Variants in CYFIP2 observed in about 807,000 individuals in gnomAD.
CYFIP2 encodes cytoplasmic FMR1-interacting protein 2.
CYFIP2 carries 29 observed loss-of-function variants against 158.7 expected under a neutral mutation model. The observed-to-expected ratio is 0.18, with a 90% CI of 0.14 to 0.25. The LOEUF (loss-of-function observed/expected upper bound fraction) is 0.25, where lower values mean the gene tolerates loss of function less well. Ranked by LOEUF, CYFIP2 falls within the 10% of genes least tolerant of loss-of-function variation. The probability of loss-of-function intolerance (pLI) is 1.00; values close to 1 mark genes in which losing one functional copy is unlikely to be tolerated. For synonymous variants in CYFIP2, 585 were observed against 617.6 expected, an observed-to-expected ratio of 0.95 and a Z score of 0.78; for missense variants, 852 against 1,639.5, an observed-to-expected ratio of 0.52 and a Z score of 8.29.
At position 157,369,538 on chromosome 5, in the gene CYFIP2, C is replaced by T. The variant is rs139360463; in HGVS notation, c.3039+7940C>T. 4.0e-3 allele frequency among the ~76,000 whole-genome samples: 612 copies of T among 152,280 alleles called. 2 individuals carry two copies. Among genetic ancestry groups the T allele is most frequent in the African/African-American group, 0.014 (583 of 41,548 alleles). On this transcript the variant is annotated intron_variant, in intron 26 of 30. Transcript: ENST00000620254. Reference sequence around the variant, plus strand: ...TCCTCTAAAATCCTCAAGATACCACCATTTGAGACAGAGGCAATCCATCAC... The same window carrying T: ...TCCTCTAAAATCCTCAAGATACCACTATTTGAGACAGAGGCAATCCATCAC...
At chr5:157,370,047 A>G (rs1349696377) in intron 26 of CYFIP2, among the ~76,000 whole-genome samples, 1 of 151,844 alleles carries the variant, frequency 6.6e-6, no homozygotes, top group African/African-American at 2.4e-5. Flanking sequence ...TGCCTGGATA[A>G]TTTTTGTATT....
At chr5:157,287,902 G>A (rs1757514703) in intron 3 of CYFIP2, among the ~76,000 whole-genome samples, 1 of 152,150 alleles carries the variant, frequency 6.6e-6, no homozygotes. Context: ...AGACCAGCCT[G>A]GGCAACATGG....
At chr5:157,337,017 G>A (rs547752838) in intron 21 of CYFIP2, among the ~76,000 whole-genome samples, 4 of 152,308 alleles carry the variant, frequency 2.6e-5, no homozygotes, top group Admixed American at 6.5e-5. Flanking sequence ...GTCACAGAAC[G>A]ATAACACAGA....
chr5:157,315,109 C>T lies in CYFIP2; in HGVS notation c.1356+15C>T, dbSNP rs766217432. On this transcript the variant is annotated intron_variant, in intron 13 of 30. Coordinates refer to ENST00000620254, the MANE Select transcript of CYFIP2 (RefSeq NM_001037333.3). ...CCTTCGTTGAGGTAGGTGCAGACTC[C>T]CTGCATCTCCCTCCCTCCCCAAGGC... 4.3e-6 allele frequency: 7 copies of T among 1,612,774 alleles called. No homozygotes were observed. Among genetic ancestry groups the T allele is most frequent in the Admixed American group, 1.7e-5 (1 of 59,918 alleles).
intron 26 of CYFIP2, among the ~76,000 whole-genome samples, chr5:157,374,669 G>C (rs552609758): frequency 1.8e-4 from 27 of 152,298 alleles, no homozygotes; most frequent in African/African-American, 6.5e-4. Flanking sequence ...GCACAGTCCT[G>C]TACGGCAAGG....
chr5:157,333,420 G>A lies in CYFIP2; in HGVS notation c.2359G>A (p.Glu787Lys). Residue 787 changes from glutamate (E) to lysine (K), a missense_variant, in exon 21 of 31, where the codon GAG becomes AAG. Around this residue, in one of 8 missense-constraint regions of CYFIP2, gnomAD observed 191 missense variants for 311.2 expected, o/e 0.61. Transcript: ENST00000620254. ...KSLDQAISRF[E>K]SEDLTSIVEL... is the part of the protein sequence containing the mutation. ...CTTGGACCAAGCTATCAGCCGCTTT[G>A]AGAGTGAGGACCTGACCTCCATTGT... 1 of 1,613,982 alleles carries A rather than the reference G, an allele frequency of 6.2e-7. No homozygotes were observed. Among genetic ancestry groups the A allele is most frequent in the Non-Finnish European group, 8.5e-7 (1 of 1,179,870 alleles).
intron 13 of CYFIP2, among the ~76,000 whole-genome samples, chr5:157,317,228 T>C (rs1446862726): frequency 6.6e-6 from 1 of 152,134 alleles, no homozygotes; most frequent in Non-Finnish European, 1.5e-5. Flanking sequence ...AGTCATTACT[T>C]TGCTATACAT....
At position 157,361,706 on chromosome 5, in the gene CYFIP2, C is replaced by A; in HGVS notation, c.3039+108C>A. The A allele has an allele frequency of 3.7e-6, 5 of 1,337,270 alleles. No homozygotes were observed. The highest frequency in any genetic ancestry group is 5.1e-6 in the Non-Finnish European group (5 of 972,280). The allele number at this position is 1,337,270 out of a possible 1,614,324, so 82.8% of individuals were successfully genotyped here. On this transcript the variant is annotated intron_variant, in intron 26 of 30. Coordinates refer to ENST00000620254, the MANE Select transcript of CYFIP2 (RefSeq NM_001037333.3). The surrounding 1 kb of genome is among the most constrained non-coding windows in gnomAD (Gnocchi z 4.4). ...CATTGATTTGTGCTTTGAGTACAAG[C>A]TCACATGCTCTTTTCAGTTCATTTC...
chr5:157,379,244 A>G (rs1358058127), intron 26 of CYFIP2, among the ~76,000 whole-genome samples: 2 of 152,098 alleles, frequency 1.3e-5, no homozygotes, highest in African/African-American at 4.8e-5. Flanking sequence ...TGTCATATCT[A>G]TATGATTATA....
At chr5:157,310,306 G>C (rs547399738) in intron 10 of CYFIP2, among the ~76,000 whole-genome samples, 1 of 152,322 alleles carries the variant, frequency 6.6e-6, no homozygotes, top group South Asian at 2.1e-4. Flanking sequence ...AAAGGCCTGG[G>C]GTGTCAGTGC....
intron 22 of CYFIP2, among the ~76,000 whole-genome samples, chr5:157,340,677 C>T (rs1375430991): frequency 1.3e-5 from 2 of 152,254 alleles, no homozygotes; most frequent in Admixed American, 1.3e-4. Flanking sequence ...CAGAGACCGT[C>T]TGGCTTCCAA....
chr5:157,309,865 C>A, intron 10 of CYFIP2, 31 bp downstream of exon 10: 1 of 1,556,618 alleles, frequency 6.4e-7, no homozygotes, highest in East Asian at 2.4e-5. Context: ...CTCTCGGCTC[C>A]CGCAAGGATG....
At chr5:157,314,314 A>G in intron 11 of CYFIP2, 30 bp from the exon 12 acceptor site, 2 of 1,609,526 alleles carry the variant, frequency 1.2e-6, no homozygotes, top group South Asian at 1.1e-5. Context: ...AGGCACATAG[A>G]CCATGAGTAT....
chr5:157,343,650 C>A lies in CYFIP2; in HGVS notation c.2673+2493C>A, dbSNP rs1337555880. 8.2e-6 allele frequency: 7 copies of A among 858,756 alleles called. No homozygotes were observed. The Admixed American group carries it at 1.8e-4, about 22-fold the overall frequency. 53.2% of individuals were successfully genotyped at this position (858,756 alleles called of 1,614,324 possible). On this transcript the variant is annotated intron_variant, in intron 23 of 30. Coordinates refer to ENST00000620254, the MANE Select transcript of CYFIP2 (RefSeq NM_001037333.3). Reference sequence around the variant, plus strand: ...CATTTGAGACGGGCACTCATGTTGCCCTCATCTTACAGACAAAGAAATGGA... The same window carrying A: ...CATTTGAGACGGGCACTCATGTTGCACTCATCTTACAGACAAAGAAATGGA...
At chr5:157,332,133 C>G (rs1035565233) in intron 20 of CYFIP2, among the ~76,000 whole-genome samples, 2 of 152,162 alleles carry the variant, frequency 1.3e-5, no homozygotes, top group African/African-American at 4.8e-5. Flanking sequence ...TTTGGGATGT[C>G]AGCAGAAACA....
intron 26 of CYFIP2, among the ~76,000 whole-genome samples, chr5:157,382,311 T>C (rs962263780): frequency 1.3e-5 from 2 of 152,228 alleles, no homozygotes; most frequent in Non-Finnish European, 2.9e-5. Flanking sequence ...TAAAAATGTA[T>C]TGAGCTCTCA....
chr5:157,393,224 A>T lies in CYFIP2; in HGVS notation c.*224A>T, dbSNP rs1253970373. The T allele has an allele frequency of 4.9e-6, 2 of 409,700 alleles. No individual in the cohort carries two copies. Among genetic ancestry groups the T allele is most frequent in the Admixed American group, 4.3e-5 (1 of 23,396 alleles). 25.4% of individuals were successfully genotyped at this position (409,700 alleles called of 1,614,324 possible). On this transcript the variant is annotated 3_prime_UTR_variant, in exon 31 of 31. Coordinates refer to ENST00000620254, the MANE Select transcript of CYFIP2 (RefSeq NM_001037333.3). The stretch of plus-strand genomic sequence containing the variant: ...GCATAAATGAAAAAAAAAAAAAAAA[A>T]GTAAACAGGGCAGTGTGTGCTTTTT...
chr5:157,307,501 A>AC (rs1341550404), intron 8 of CYFIP2, among the ~76,000 whole-genome samples: 1 of 152,200 alleles, frequency 6.6e-6, no homozygotes, highest in African/African-American at 2.4e-5. Context: ...CTGAGCACAG[A>AC]CTCTGGCCCA....
intron 12 of CYFIP2, among the ~76,000 whole-genome samples, 153 bp from the exon 13 acceptor site, chr5:157,314,816 T>C (rs1323296516): frequency 6.6e-6 from 1 of 152,246 alleles, no homozygotes; most frequent in Non-Finnish European, 1.5e-5. Context: ...GCTTCTTTTC[T>C]TTTGCATACT....
Sources: gnomAD v4.1 joint callset for allele counts (sites outside exome capture counted in the v4.1 genomes callset) on GRCh38, gnomAD v4.1.1 for gene constraint, gnomAD v4.1.1 regional missense constraint, Gnocchi (gnomAD v3.1) non-coding constraint, MANE v1.5 for transcripts, NCBI Gene and HGNC (gene_info 2026-07-23, HGNC 2026-07-21) for gene names.